TENT4A: variants seen among roughly 807,000 people sequenced by gnomAD.
TENT4A encodes terminal nucleotidyltransferase 4A, also known as DNA polymerase kappa.
In TENT4A, 7 loss-of-function variants were observed where a neutral mutation model predicts 72.8. The ratio of observed to expected loss-of-function variants is 0.10; its 90% CI spans 0.05 to 0.18. TENT4A has a LOEUF of 0.18. Ranked by LOEUF, TENT4A falls within the 10% of genes least tolerant of loss-of-function variation. The probability of loss-of-function intolerance (pLI) is 1.00; values close to 1 mark genes in which losing one functional copy is unlikely to be tolerated. For missense variants in TENT4A, 831 were observed against 1,017.7 expected (o/e 0.82, Z 2.50); for synonymous variants, 456 against 434.3 (o/e 1.05, Z -0.62).
At chr5:6,729,199 T>G (rs924670252) in intron 1 of TENT4A, among the ~76,000 whole-genome samples, 30 of 152,346 alleles carry the variant, frequency 2.0e-4, no homozygotes, top group South Asian at 4.1e-4. Flanking sequence ...CCTGGTTGTG[T>G]ATGGTCTTGG....
chr5:6,718,449 C>T (rs951577926), intron 1 of TENT4A, among the ~76,000 whole-genome samples: 1 of 152,218 alleles, frequency 6.6e-6, no homozygotes, highest in Non-Finnish European at 1.5e-5. Context: ...CTTTCCCTCC[C>T]ATACTTTCCT....
intron 10 of TENT4A, 162 bp from the exon 11 acceptor site, chr5:6,750,877 G>A: frequency 1.5e-6 from 1 of 650,806 alleles, no homozygotes. Context: ...TTACTTGAAG[G>A]AAGCCTGGGT....
intron 1 of TENT4A, among the ~76,000 whole-genome samples, chr5:6,723,355 TC>T (rs1740753877): frequency 6.6e-6 from 1 of 152,102 alleles, no homozygotes; most frequent in African/African-American, 2.4e-5. Flanking sequence ...GACGGTCACT[TC>T]CTTCTCTCAA....
At chr5:6,740,588 TCA>T (rs770399376) in intron 4 of TENT4A, among the ~76,000 whole-genome samples, 1 of 130,722 alleles carries the variant, frequency 7.6e-6, no homozygotes, top group Non-Finnish European at 1.7e-5. Context: ...GAGGGGGCAT[TCA>T]CATGTTTCTC....
At chr5:6,748,337 T>G (rs1395665099) in intron 7 of TENT4A, 127 bp from the exon 8 acceptor site, 1 of 1,286,858 alleles carries the variant, frequency 7.8e-7, no homozygotes, top group Non-Finnish European at 1.1e-6. Context: ...GTCTGGGCTT[T>G]GCTGGTAGGG....
intron 7 of TENT4A, among the ~76,000 whole-genome samples, chr5:6,747,851 T>C (rs1404128946): frequency 6.6e-6 from 1 of 152,242 alleles, no homozygotes; most frequent in Non-Finnish European, 1.5e-5. Context: ...CTTATGAAAA[T>C]TAAGCTTCTC....
chr5:6,725,631 G>A (rs868387959), intron 1 of TENT4A, among the ~76,000 whole-genome samples: 4 of 152,146 alleles, frequency 2.6e-5, no homozygotes, highest in Non-Finnish European at 5.9e-5. Context: ...AGAGTGCTTC[G>A]TGCTAACTAA....
chr5:6,751,421 T>G, intron 11 of TENT4A: 2 of 398,924 alleles, frequency 5.0e-6, no homozygotes, highest in Non-Finnish European at 8.9e-6. Context: ...AGTGCTGCCG[T>G]GGCTTTTCAC....
At chr5:6,725,879 G>A (rs968210260) in intron 1 of TENT4A, among the ~76,000 whole-genome samples, 1 of 152,186 alleles carries the variant, frequency 6.6e-6, no homozygotes, top group Non-Finnish European at 1.5e-5. Context: ...GAAAGGGAAA[G>A]GTGTCCAACT....
rs1307788232 is a variant in TENT4A, at chr5:6,737,691, C to G, written c.840+58C>G. On this transcript the variant is annotated intron_variant, in intron 2 of 12. Transcript: ENST00000230859. Reference sequence around the variant, plus strand: ...GTCACGTGCGAGTAAATTTAAATACCCTGTGATGATGATGTGTCGGCTAGA... The same window carrying G: ...GTCACGTGCGAGTAAATTTAAATACGCTGTGATGATGATGTGTCGGCTAGA... 3.9e-6 allele frequency: 6 copies of G among 1,556,354 alleles called. No homozygotes were observed. In the Admixed American group the frequency reaches 1.2e-4, roughly 30 times the overall value.
intron 3 of TENT4A, 54 bp from the exon 4 acceptor site, chr5:6,739,678 G>A (rs419128): frequency 0.33 from 533,353 of 1,600,970 alleles, 90,466 homozygotes; most frequent in East Asian, 0.4. Flanking sequence ...CCCCACACGA[G>A]TGTGTAGGCT....
intron 3 of TENT4A, 40 bp downstream of exon 3, chr5:6,738,769 G>C: frequency 1.4e-6 from 2 of 1,458,618 alleles, no homozygotes; most frequent in Non-Finnish European, 1.9e-6. Context: ...GTGGGGGGCT[G>C]GGATGGTGTC....
Position 6,714,104 on chromosome 5 carries a change from T to G in TENT4A, c.121T>G (p.Phe41Val), listed in dbSNP as rs1407486750. The change falls in exon 1 of 13, where the codon TTC (phenylalanine) becomes GTC (valine). Residue 41 changes from phenylalanine to valine, a missense_variant. Around this residue, in one of 3 missense-constraint regions of TENT4A, gnomAD observed 302 missense variants for 293.8 expected, o/e 1.03. Coordinates refer to ENST00000230859, the MANE Select transcript of TENT4A (RefSeq NM_006999.6). ...GRGGSGFASY[F>V]CLNSPALDTA... Reference sequence around the variant, plus strand: ...CGGCGGCTCGGGCTTCGCGTCCTATTTCTGCCTCAACTCGCCGGCGCTGGA... The same window carrying G: ...CGGCGGCTCGGGCTTCGCGTCCTATGTCTGCCTCAACTCGCCGGCGCTGGA... 3 of 981,818 alleles carry G rather than the reference T, an allele frequency of 3.1e-6. No individual in the cohort carries two copies. The African/African-American group carries it at 5.4e-5, about 18-fold the overall frequency. The allele number at this position is 981,818 out of a possible 1,614,324, so 60.8% of individuals were successfully genotyped here. A position where few individuals can be genotyped will look rare whatever the true frequency, so the allele number is the denominator to read the frequency against.
At chr5:6,747,447 G>A (rs1742166035) in intron 7 of TENT4A, among the ~76,000 whole-genome samples, 1 of 152,038 alleles carries the variant, frequency 6.6e-6, no homozygotes, top group African/African-American at 2.4e-5. Context: ...CAGATTTAAT[G>A]GTTGTTTTTG....
intron 9 of TENT4A, 33 bp from the exon 10 acceptor site, chr5:6,750,298 G>T (rs1238374312): frequency 6.3e-7 from 1 of 1,582,076 alleles, no homozygotes; most frequent in Non-Finnish European, 8.6e-7. Flanking sequence ...GCAGTTCTCA[G>T]GAGTTATTAA....
At chr5:6,717,885 T>A (rs1740464844) in intron 1 of TENT4A, among the ~76,000 whole-genome samples, 1 of 152,170 alleles carries the variant, frequency 6.6e-6, no homozygotes, top group South Asian at 2.1e-4. Context: ...AGGTTAAGAG[T>A]CTTGCATAAG....
chr5:6,727,553 C>T (rs1180892669), intron 1 of TENT4A, among the ~76,000 whole-genome samples: 1 of 152,170 alleles, frequency 6.6e-6, no homozygotes, highest in East Asian at 1.9e-4. Context: ...TTAGTCCATC[C>T]CACCTGGGGG....
In TENT4A at chr5:6,755,122, C is replaced by T. The variant is rs893946045; in HGVS notation, c.*177C>T. On this transcript the variant is annotated 3_prime_UTR_variant, in exon 13 of 13. Transcript: ENST00000230859. ...GTCGCGTCCATCTTCAAGAACAGCT[C>T]GTTGTGCTCATCTGTGAAGCCTTAT... 5.7e-5 allele frequency: 29 copies of T among 504,446 alleles called. No individual in the cohort carries two copies. The highest frequency in any genetic ancestry group is 9.0e-5 in the Non-Finnish European group (26 of 288,474). The allele number at this position is 504,446 out of a possible 1,614,324, so 31.2% of individuals were successfully genotyped here.
chr5:6,753,950 G>T (rs570707507), intron 12 of TENT4A, among the ~76,000 whole-genome samples: 1 of 152,138 alleles, frequency 6.6e-6, no homozygotes, highest in Non-Finnish European at 1.5e-5. Context: ...TGTTTTTCTT[G>T]CTCTGAGACT....
Sources: gnomAD v4.1 joint callset for allele counts (sites outside exome capture counted in the v4.1 genomes callset) on GRCh38, gnomAD v4.1.1 for gene constraint, gnomAD v4.1.1 regional missense constraint, MANE v1.5 for transcripts, NCBI Gene and HGNC (gene_info 2026-07-23, HGNC 2026-07-21) for gene names.